GAREM2: variants seen among roughly 807,000 people sequenced by gnomAD.
GAREM2 encodes GRB2 associated regulator of MAPK1 subtype 2, also known as GRB2-associated and regulator of MAPK protein 2.
A neutral mutation model predicts 55.6 loss-of-function variants in GAREM2; 30 were observed. The observed-to-expected ratio is 0.54, with a 90% CI of 0.40 to 0.73. The LOEUF (loss-of-function observed/expected upper bound fraction) is 0.73, where lower values mean the gene tolerates loss of function less well. Among genes scored for constraint, GAREM2 ranks in the 30% least tolerant of loss-of-function variants. The pLI is 0.00. For synonymous variants in GAREM2, 550 were observed against 569.1 expected (o/e 0.97, Z 0.48); for missense variants, 1,075 against 1,257.7 (o/e 0.85, Z 2.20).
rs185564476 is a variant in GAREM2 at position 26,181,159 on chromosome 2, C to T, written c.254-1808C>T. Reference sequence around the variant, plus strand: ...TCATGGTATTTCTTTGCTCGAAACACTCCAGTGGGTCTCATGTTGTACAGA... The same window carrying T: ...TCATGGTATTTCTTTGCTCGAAACATTCCAGTGGGTCTCATGTTGTACAGA... On this transcript the variant is annotated intron_variant, in intron 2 of 5. Transcript: ENST00000401533. 25 of 979,312 alleles carry T rather than the reference C, an allele frequency of 2.6e-5. No individual in the cohort carries two copies. The African/African-American group carries it at 4.2e-4, about 16-fold the overall frequency. 60.7% of individuals were successfully genotyped at this position (979,312 alleles called of 1,614,324 possible).
At chr2:26,198,470 G>C in the GAREM2 span, among the ~76,000 whole-genome samples, 1 of 151,108 alleles carries the variant, frequency 6.6e-6, no homozygotes, top group African/African-American at 2.4e-5. Context: ...CCGCCTCCCA[G>C]TTATTCATGT....
chr2:26,191,233 C>T (rs767374849), downstream of GAREM2: 18 of 1,611,334 alleles, frequency 1.1e-5, 1 homozygote, highest in East Asian at 4.5e-5. Context: ...ACTGACTGAG[C>T]GAGGCATGAG....
Position 26,188,181 on chromosome 2 carries a change from C to T in GAREM2, c.2549C>T (p.Ala850Val). 17 of 1,545,786 alleles carry T rather than the reference C, an allele frequency of 1.1e-5. No individual in the cohort carries two copies. The highest frequency in any genetic ancestry group is 1.5e-5 in the Non-Finnish European group (17 of 1,143,614). Residue 850 changes from alanine to valine, a missense_variant, in exon 6 of 6, where the codon GCA becomes GTA. Physicochemically the swap from Ala to Val is moderately conservative, Grantham distance 64 (BLOSUM62 0). Coordinates refer to ENST00000401533, the MANE Select transcript of GAREM2 (RefSeq NM_001168241.2). ...GTGCAGCTCAGTGAGGACATCCTGG[C>T]AGATGACTTCCACCTCACCAAGCTG... is the stretch of plus-strand genomic sequence containing the variant. ...IFVQLSEDIL[A>V]DDFHLTKLQV... is the part of the protein sequence containing the mutation.
At chr2:26,191,377 T>C, downstream of GAREM2, 1 of 1,614,118 alleles carries the variant, frequency 6.2e-7, no homozygotes, top group South Asian at 1.1e-5. Context: ...GCCATACAGA[T>C]CCACAAAGCG....
Position 26,187,985 on chromosome 2 carries a change from C to A in GAREM2, c.2353C>A (p.Pro785Thr). The change falls in exon 6 of 6, where the codon CCC (proline) becomes ACC (threonine). Residue 785 changes from proline (P) to threonine (T), a missense_variant. Transcript: ENST00000401533. ...QGRLEGPPAS[P>T]RDGATGFGVR... is the part of the protein sequence containing the mutation. ...GCGCCTGGAAGGGCCTCCTGCCAGT[C>A]CCCGGGATGGAGCCACAGGCTTTGG... 3 of 1,468,640 alleles carry A rather than the reference C, an allele frequency of 2.0e-6. No homozygotes were observed. The highest frequency in any genetic ancestry group is 1.4e-5 in the South Asian group (1 of 70,298). The allele number at this position is 1,468,640 out of a possible 1,614,324, so 91.0% of individuals were successfully genotyped here.
intron 2 of GAREM2, among the ~76,000 whole-genome samples, chr2:26,178,610 A>AT (rs1668939375): frequency 1.3e-5 from 2 of 152,330 alleles, no homozygotes; most frequent in East Asian, 3.9e-4. Flanking sequence ...AAAATTAAAA[A>AT]GAAAAGAGAA....
rs145825451 is a variant in GAREM2 at position 26,181,792 on chromosome 2, C to T, written c.254-1175C>T. On this transcript the variant is annotated intron_variant, in intron 2 of 5. Transcript: ENST00000401533. ...CCCAGGAGTTTGAGACCAGCCTGGGCAACATCATGAGACGTCATCTCTAAT... is the reference window on the plus strand; with the variant it reads ...CCCAGGAGTTTGAGACCAGCCTGGGTAACATCATGAGACGTCATCTCTAAT... The T allele has an allele frequency of 0.015, 2,419 of 156,144 alleles. 63 individuals carry two copies. Among genetic ancestry groups the T allele is most frequent in the African/African-American group, 0.053 (2,203 of 41,590 alleles). The allele number at this position is 156,144 out of a possible 1,614,324, so 9.7% of individuals were successfully genotyped here.
In GAREM2 at chr2:26,187,231, G is replaced by A. The variant is rs1669292939; in HGVS notation, c.1599G>A (p.Gly533=). 6.9e-7 allele frequency: 1 copy of A among 1,449,006 alleles called. No individual in the cohort carries two copies. Among genetic ancestry groups the A allele is most frequent in the Non-Finnish European group, 9.1e-7 (1 of 1,095,390 alleles). The allele number at this position is 1,449,006 out of a possible 1,614,324, so 89.8% of individuals were successfully genotyped here. ...TGTGTGTGTCTGTCTCTGTCCACAG[G>A]GCGGGTTCCCGCAGTGGCAGTGGCT... ...LSYYSSGLQD[G]AGSRSGSGSP... Residue 533 remains glycine, a splice_region_variant and synonymous_variant, in exon 6 of 6, where the codon GGG becomes GGA. Transcript: ENST00000401533.
At chr2:26,180,322 T>C (rs1217770455) in intron 2 of GAREM2, among the ~76,000 whole-genome samples, 1 of 152,178 alleles carries the variant, frequency 6.6e-6, no homozygotes, top group East Asian at 1.9e-4. Context: ...CAATTGTGTG[T>C]GTGTTCATGC....
Position 26,178,830 on chromosome 2 carries a change from G to A in GAREM2, c.253+2346G>A, listed in dbSNP as rs550172229. On this transcript the variant is annotated intron_variant, in intron 2 of 5. Coordinates refer to ENST00000401533, the MANE Select transcript of GAREM2 (RefSeq NM_001168241.2). ...GAGGGGTGGTGGTCTTGGGGGGCGC[G>A]GCCCCAGCCCCATCTTTTCGCGGGG... is the stretch of plus-strand genomic sequence containing the variant. Among the ~76,000 whole-genome samples, 289 of 127,636 alleles carry A rather than the reference G, an allele frequency of 2.3e-3. 6 individuals carry two copies. Among genetic ancestry groups the A allele is most frequent in the Admixed American group, 0.021 (252 of 12,096 alleles). The allele number at this position is 127,636 out of a possible 152,430, so 83.7% of individuals were successfully genotyped here. A position where few individuals can be genotyped will look rare whatever the true frequency, so the allele number is the denominator to read the frequency against.
At position 26,187,832 on chromosome 2, in the gene GAREM2, C is replaced by T; in HGVS notation, c.2200C>T (p.Leu734Phe). Residue 734 changes from leucine (L) to phenylalanine (F), a missense_variant, in exon 6 of 6, where the codon CTT (leucine) becomes TTT (phenylalanine). Physicochemically the swap from Leu to Phe is conservative, Grantham distance 22. Transcript: ENST00000401533. ...GGGGACACCTGGGCCTGGACCCCGC[C>T]TTTCACCACTTGGCCCCTCCAAGGC... is the stretch of plus-strand genomic sequence containing the variant. Reference protein sequence around the residue: ...AVGTPGPGPRLSPLGPSKAFE... With the variant: ...AVGTPGPGPRFSPLGPSKAFE... 1.4e-6 allele frequency: 2 copies of T among 1,439,902 alleles called. No homozygotes were observed. The highest frequency in any genetic ancestry group is 2.9e-5 in the African/African-American group (2 of 69,574). The allele number at this position is 1,439,902 out of a possible 1,614,324, so 89.2% of individuals were successfully genotyped here. A position where few individuals can be genotyped will look rare whatever the true frequency, so the allele number is the denominator to read the frequency against.
chr2:26,201,285 G>T, the GAREM2 span: 1 of 1,611,602 alleles, frequency 6.2e-7, no homozygotes, highest in Non-Finnish European at 8.5e-7. Context: ...CCTTTCAAAT[G>T]ATGTTAGAGC....
At chr2:26,196,591 G>A in the GAREM2 span, among the ~76,000 whole-genome samples, 1 of 152,188 alleles carries the variant, frequency 6.6e-6, no homozygotes, top group Non-Finnish European at 1.5e-5. Flanking sequence ...TGAGGGTCCT[G>A]TATCCCTTGC....
At chr2:26,176,577 G>A (rs901340696) in intron 2 of GAREM2, 93 bp downstream of exon 2, 13 of 1,202,028 alleles carry the variant, frequency 1.1e-5, no homozygotes, top group African/African-American at 6.2e-5. Flanking sequence ...TGGGACTAGC[G>A]AGGCGGTGAT....
In GAREM2 at chr2:26,184,347, G is replaced by T; in HGVS notation, c.499G>T (p.Glu167Ter). 6.5e-7 allele frequency: 1 copy of T among 1,549,412 alleles called. No homozygotes were observed. The highest frequency in any genetic ancestry group is 8.7e-7 in the Non-Finnish European group (1 of 1,146,070). Residue 167 changes from glutamate (E) to a stop codon, truncating the protein, a stop_gained, in exon 4 of 6, where the codon GAG becomes TAG. Transcript: ENST00000401533. LOFTEE classifies it high-confidence loss of function. ...AEILCAKTTKERSRFTTLLRK... is the reference protein window; with the variant it reads ...AEILCAKTTK ...GATCCTGTGCGCCAAGACCACCAAG[G>T]AGCGCTCGCGCTTCACCACCCTCCT...
the GAREM2 span, among the ~76,000 whole-genome samples, chr2:26,195,777 A>G: frequency 6.6e-6 from 1 of 152,176 alleles, no homozygotes; most frequent in Non-Finnish European, 1.5e-5. Context: ...CCCAACAAGC[A>G]CTGTCATCAC....
intron 2 of GAREM2, chr2:26,182,134 A>G: frequency 1.6e-6 from 2 of 1,235,418 alleles, no homozygotes; most frequent in South Asian, 2.2e-5. Flanking sequence ...GTGGGTATGC[A>G]TATAACAGGT....
rs1669157699 is a variant in GAREM2 at position 26,184,531 on chromosome 2, G to A, written c.683G>A (p.Ser228Asn). ...AACCACCGCACCAACGAAAGCCTGAGCCTGCCCTTTCAGTGCCAGGGCCGC... is the reference window on the plus strand; with the variant it reads ...AACCACCGCACCAACGAAAGCCTGAACCTGCCCTTTCAGTGCCAGGGCCGC... ...CMNHRTNESL[S>N]LPFQCQGRFS... Residue 228 changes from serine to asparagine, a missense_variant, in exon 4 of 6, where the codon AGC (serine) becomes AAC (asparagine). Transcript: ENST00000401533. The A allele has an allele frequency of 1.9e-6, 3 of 1,547,502 alleles. No individual in the cohort carries two copies. The East Asian group carries it at 7.4e-5, about 38-fold the overall frequency.
rs1669327580 is a variant in GAREM2 at position 26,187,675 on chromosome 2, C to T, written c.2043C>T (p.Ser681=). 1 of 1,513,970 alleles carries T rather than the reference C, an allele frequency of 6.6e-7. No individual in the cohort carries two copies. Among genetic ancestry groups the T allele is most frequent in the Non-Finnish European group, 8.9e-7 (1 of 1,129,074 alleles). 93.8% of individuals were successfully genotyped at this position (1,513,970 alleles called of 1,614,324 possible). ...AGGCCTATTCAGCTGCTCCCCCCTC[C>T]TCCTGCGCCCCCTCCTCCTCCTCTT... ...PGQAYSAAPP[S]SCAPSSSSSS... is the part of the protein sequence containing the mutation. Residue 681 remains serine, a synonymous_variant, in exon 6 of 6, where the codon TCC becomes TCT. Transcript: ENST00000401533.
Sources: allele counts gnomAD v4.1 joint callset (sites outside exome capture counted in the v4.1 genomes callset), GRCh38; gene constraint gnomAD v4.1.1; transcripts MANE v1.5; gene names NCBI Gene and HGNC (gene_info 2026-07-23, HGNC 2026-07-21).